COG5: variants seen among roughly 807,000 people sequenced by gnomAD.
COG5 encodes component of oligomeric golgi complex 5.
A neutral mutation model predicts 110.4 loss-of-function variants in COG5; 86 were observed. The ratio of observed to expected loss-of-function variants is 0.78; its 90% confidence interval spans 0.65 to 0.93. The LOEUF (loss-of-function observed/expected upper bound fraction) is 0.93, where lower values mean the gene tolerates loss of function less well. Among genes scored for constraint, COG5 ranks in the 40% least tolerant of loss-of-function variants. The probability of loss-of-function intolerance (pLI) is 0.00; values close to 1 mark genes in which losing one functional copy is unlikely to be tolerated. For synonymous variants in COG5, 360 were observed against 334.6 expected, an observed-to-expected ratio of 1.08 and a Z score of -0.83; for missense variants, 1,077 against 987.0, an observed-to-expected ratio of 1.09 and a Z score of -1.22.
intron 7 of COG5, among the ~76,000 whole-genome samples, chr7:107,388,322 G>T (rs1790355957): frequency 6.6e-6 from 1 of 152,178 alleles, no homozygotes; most frequent in African/African-American, 2.4e-5. Context: ...TTTGCCTAGA[G>T]AATCAACCCG....
intron 11 of COG5, among the ~76,000 whole-genome samples, chr7:107,310,412 A>T (rs562968504): frequency 9.2e-5 from 14 of 152,322 alleles, no homozygotes; most frequent in African/African-American, 2.2e-4. Context: ...CATTTTTTTT[A>T]AAATACATCA....
intron 10 of COG5, among the ~76,000 whole-genome samples, chr7:107,349,114 T>C (rs562826536): frequency 3.9e-5 from 6 of 152,228 alleles, no homozygotes; most frequent in Non-Finnish European, 8.8e-5. Context: ...TTATACTGAA[T>C]TGTACATATT....
chr7:107,239,653 T>C (rs1801462934), intron 17 of COG5, among the ~76,000 whole-genome samples: 1 of 152,180 alleles, frequency 6.6e-6, no homozygotes, highest in Non-Finnish European at 1.5e-5. Context: ...TTTCAGTGTA[T>C]AGATATTTTA....
Position 107,211,152 on chromosome 7 carries a change from T to C in COG5, c.2242A>G (p.Ile748Val), listed in dbSNP as rs763881282. 4 of 1,614,110 alleles carry C rather than the reference T, an allele frequency of 2.5e-6. No homozygotes were observed. Among genetic ancestry groups the C allele is most frequent in the East Asian group, 2.2e-5 (1 of 44,886 alleles). ...ALGDVIPFSI[I>V]IQFLFTRAPA... ...GCTCTCGTGAACAAAAACTGAATAA[T>C]GATGCTGAACGGAATCACATCCCCC... The change falls in exon 20 of 22, where the codon ATT (isoleucine) becomes GTT (valine). Residue 748 changes from isoleucine (I) to valine (V), a missense_variant. Ile to Val is a conservative substitution (Grantham distance 29). Transcript: ENST00000297135.
At chr7:107,560,980 G>C (rs867623856) in intron 1 of COG5, among the ~76,000 whole-genome samples, 28 of 152,180 alleles carry the variant, frequency 1.8e-4, no homozygotes, top group Admixed American at 2.6e-4. Flanking sequence ...ATAGGAAAGT[G>C]GGGGGTGGAC....
At position 107,299,826 on chromosome 7, in the gene COG5, C is replaced by CATATATATATATATATAT. The variant is rs71856513; in HGVS notation, c.1109-1498_1109-1481dup. Among the ~76,000 whole-genome samples the CATATATATATATATATAT allele has an allele frequency of 4.3e-4, 44 of 103,188 alleles. 2 individuals carry two copies. Among genetic ancestry groups the CATATATATATATATATAT allele is most frequent in the Non-Finnish European group, 6.0e-4 (29 of 48,486 alleles). 67.7% of individuals were successfully genotyped at this position (103,188 alleles called of 152,430 possible). A position where few individuals can be genotyped will look rare whatever the true frequency, so the allele number is the denominator to read the frequency against. ...ATCTATGTCAGAAATTCATAGTTGG[C>CATATATATATATATATAT]ATATATATATATATATATATATATA... On this transcript the variant is annotated intron_variant, in intron 11 of 21. Transcript: ENST00000297135.
chr7:107,555,733 T>C (rs1418886813), intron 2 of COG5, among the ~76,000 whole-genome samples: 1 of 152,016 alleles, frequency 6.6e-6, no homozygotes, highest in Non-Finnish European at 1.5e-5. Flanking sequence ...AAAGCTAGGC[T>C]GGGCACGGTG....
At chr7:107,209,267 A>G (rs56293207) in intron 21 of COG5, 19,541 of 982,428 alleles carry the variant, frequency 0.02, 188 homozygotes, top group Non-Finnish European at 0.022. Context: ...AGGAATAAGG[A>G]TGACAGAGGA....
intron 10 of COG5, among the ~76,000 whole-genome samples, chr7:107,332,046 G>A (rs1032657565): frequency 3.9e-5 from 6 of 151,960 alleles, no homozygotes; most frequent in South Asian, 4.2e-4. Context: ...ATGCGGTTTC[G>A]CCATGTTGGC....
At chr7:107,467,501 T>C (rs531255198) in intron 6 of COG5, among the ~76,000 whole-genome samples, 1 of 152,228 alleles carries the variant, frequency 6.6e-6, no homozygotes, top group African/African-American at 2.4e-5. Context: ...GACTAGAGGC[T>C]TGTGCCACCA....
At chr7:107,325,489 A>C (rs539204805) in intron 10 of COG5, among the ~76,000 whole-genome samples, 2 of 152,228 alleles carry the variant, frequency 1.3e-5, no homozygotes, top group South Asian at 4.1e-4. Context: ...TGTCTCTACT[A>C]AAAATACAAA....
intron 7 of COG5, among the ~76,000 whole-genome samples, chr7:107,387,676 GATGATAAAC>G (rs1790308671): frequency 6.6e-6 from 1 of 152,166 alleles, no homozygotes; most frequent in Non-Finnish European, 1.5e-5. Context: ...TTAAAAACCG[GATGATAAAC>G]ATGGAAAAGC....
intron 14 of COG5, among the ~76,000 whole-genome samples, chr7:107,277,929 T>C (rs1804833761): frequency 6.6e-6 from 1 of 152,186 alleles, no homozygotes; most frequent in Non-Finnish European, 1.5e-5. Flanking sequence ...ACGCACTCTA[T>C]ATGTAATTTA....
At chr7:107,457,672 C>T (rs945973813) in intron 6 of COG5, among the ~76,000 whole-genome samples, 5 of 152,112 alleles carry the variant, frequency 3.3e-5, no homozygotes, top group Admixed American at 1.3e-4. Context: ...GTCGTGATCC[C>T]CCCCGCCTCA....
At chr7:107,481,863 G>A (rs749295901) in intron 6 of COG5, among the ~76,000 whole-genome samples, 4 of 151,906 alleles carry the variant, frequency 2.6e-5, no homozygotes, top group Admixed American at 6.6e-5. Context: ...ATGTACTTTC[G>A]CACTACTTTT....
At chr7:107,475,127 C>T in intron 6 of COG5, 1 of 1,610,120 alleles carries the variant, frequency 6.2e-7, no homozygotes, top group Non-Finnish European at 8.5e-7. Context: ...TTAGTCATGG[C>T]TTATGGAACA....
At chr7:107,453,631 T>C (rs536369551) in intron 6 of COG5, among the ~76,000 whole-genome samples, 13 of 152,192 alleles carry the variant, frequency 8.5e-5, no homozygotes, top group Non-Finnish European at 1.6e-4. Flanking sequence ...TGGTCTCCTT[T>C]CTAAAGCTAG....
At chr7:107,471,461 G>C (rs1278764236) in intron 6 of COG5, 1 of 152,026 alleles carries the variant, frequency 6.6e-6, no homozygotes, top group Non-Finnish European at 1.5e-5. Context: ...ACTACGAACT[G>C]CAAGATGTTC....
At chr7:107,410,952 A>G (rs1454075982) in intron 7 of COG5, among the ~76,000 whole-genome samples, 2 of 151,586 alleles carry the variant, frequency 1.3e-5, no homozygotes, top group Non-Finnish European at 2.9e-5. Context: ...AGTTTGGGCT[A>G]GTAGATGTCA....
Sources: allele counts gnomAD v4.1 joint callset (sites outside exome capture counted in the v4.1 genomes callset), GRCh38; gene constraint gnomAD v4.1.1; transcripts MANE v1.5; gene names NCBI Gene and HGNC (gene_info 2026-07-23, HGNC 2026-07-21).